Variants in MTUS2 observed in about 807,000 individuals in gnomAD.
MTUS2 encodes microtubule-associated tumor suppressor candidate 2.
A neutral mutation model predicts 114.1 loss-of-function variants in MTUS2; 40 were observed. The observed-to-expected ratio is 0.35, with a 90% confidence interval of 0.27 to 0.46. The LOEUF is 0.46. Ranked by LOEUF, MTUS2 falls within the 20% of genes least tolerant of loss-of-function variation. MTUS2 has a pLI of 1.00. For missense variants in MTUS2, 1,679 were observed against 1,705.4 expected (o/e 0.98, Z 0.27); for synonymous variants, 688 against 672.0 (o/e 1.02, Z -0.37).
chr13:28,833,715 G>A (rs1044375795), intron 1 of MTUS2, among the ~76,000 whole-genome samples: 1 of 151,996 alleles, frequency 6.6e-6, no homozygotes, highest in African/African-American at 2.4e-5. Context: ...GCAAGGAAAA[G>A]AAAGAAAAAT....
At chr13:29,242,887 T>A (rs1896781224) in intron 5 of MTUS2, among the ~76,000 whole-genome samples, 1 of 152,198 alleles carries the variant, frequency 6.6e-6, no homozygotes, top group Non-Finnish European at 1.5e-5. Flanking sequence ...TTTTATAGAT[T>A]AAACTGGTTC....
At chr13:29,197,439 G>A (rs1173598927) in intron 5 of MTUS2, among the ~76,000 whole-genome samples, 1 of 152,148 alleles carries the variant, frequency 6.6e-6, no homozygotes, top group Non-Finnish European at 1.5e-5. Context: ...TGGTGTATAT[G>A]TGCCACATTT....
intron 5 of MTUS2, 108 bp downstream of exon 5, chr13:29,101,078 T>G: frequency 8.7e-7 from 1 of 1,150,116 alleles, no homozygotes; most frequent in East Asian, 2.6e-5. Flanking sequence ...TTGCATCACC[T>G]CCCTTAGCTT....
At chr13:28,937,495 G>A (rs1286195072) in intron 2 of MTUS2, among the ~76,000 whole-genome samples, 2 of 152,130 alleles carry the variant, frequency 1.3e-5, no homozygotes, top group Non-Finnish European at 2.9e-5. Context: ...TAGATCTTGT[G>A]CTGCTCAATT....
At chr13:28,869,788 A>T (rs1235789513) in intron 2 of MTUS2, among the ~76,000 whole-genome samples, 1 of 152,060 alleles carries the variant, frequency 6.6e-6, no homozygotes, top group African/African-American at 2.4e-5. Context: ...AACAAAACAA[A>T]CAAAAAAAGT....
intron 5 of MTUS2, among the ~76,000 whole-genome samples, chr13:29,116,142 T>G (rs1891077258): frequency 6.6e-6 from 1 of 152,210 alleles, no homozygotes; most frequent in Non-Finnish European, 1.5e-5. Flanking sequence ...TGTTCTCTAT[T>G]GTGCTAGGGG....
chr13:29,294,183 A>G (rs1391417130), intron 6 of MTUS2, among the ~76,000 whole-genome samples: 1 of 152,152 alleles, frequency 6.6e-6, no homozygotes, highest in Non-Finnish European at 1.5e-5. Flanking sequence ...CACTAATAAC[A>G]TATATTGGTA....
intron 1 of MTUS2, among the ~76,000 whole-genome samples, chr13:28,824,861 A>C (rs1045691934): frequency 1.3e-5 from 2 of 152,170 alleles, no homozygotes; most frequent in African/African-American, 4.8e-5. Flanking sequence ...TGCTATGGAG[A>C]AAATAAATCA....
chr13:29,075,176 A>G (rs1043502424), intron 4 of MTUS2, among the ~76,000 whole-genome samples: 2 of 152,184 alleles, frequency 1.3e-5, no homozygotes, highest in African/African-American at 2.4e-5. Context: ...TTTACACCAT[A>G]TATCAGCATT....
chr13:29,474,032 G>A (rs371062106), intron 9 of MTUS2, among the ~76,000 whole-genome samples: 28 of 152,288 alleles, frequency 1.8e-4, no homozygotes, highest in African/African-American at 6.7e-4. Flanking sequence ...ATTTCCCCTG[G>A]TGCCAGCTGC....
chr13:28,822,332 G>T (rs1873960339), intron 1 of MTUS2, among the ~76,000 whole-genome samples: 1 of 152,164 alleles, frequency 6.6e-6, no homozygotes, highest in Non-Finnish European at 1.5e-5. Flanking sequence ...GAACTAGACT[G>T]TTAAAGCCAA....
At chr13:29,205,435 T>G (rs540294769) in intron 5 of MTUS2, among the ~76,000 whole-genome samples, 208 of 147,888 alleles carry the variant, frequency 1.4e-3, no homozygotes, top group African/African-American at 3.4e-3. Context: ...CAGTATTTTT[T>G]TGGGGAAAGG....
intron 2 of MTUS2, among the ~76,000 whole-genome samples, chr13:28,955,995 T>C (rs1883042450): frequency 6.6e-6 from 1 of 151,758 alleles, no homozygotes; most frequent in African/African-American, 2.4e-5. Context: ...TGTGAGATTT[T>C]GGTGCACCCG....
At chr13:29,056,366 G>A (rs573884746) in intron 4 of MTUS2, among the ~76,000 whole-genome samples, 1 of 151,898 alleles carries the variant, frequency 6.6e-6, no homozygotes, top group African/African-American at 2.4e-5. Context: ...TGTTTTTGTT[G>A]ACTTTGTTTT....
At chr13:28,894,361 A>G (rs1879140422) in intron 2 of MTUS2, among the ~76,000 whole-genome samples, 1 of 134,016 alleles carries the variant, frequency 7.5e-6, no homozygotes. Flanking sequence ...TGAGAGTGAG[A>G]GAGAGAGAGA....
At chr13:29,089,750 T>C (rs1324083408) in intron 4 of MTUS2, among the ~76,000 whole-genome samples, 1 of 152,240 alleles carries the variant, frequency 6.6e-6, no homozygotes, top group Non-Finnish European at 1.5e-5. Context: ...TGGTTCCTAT[T>C]GCATTATGAA....
intron 15 of MTUS2, 74 bp downstream of exon 15, chr13:29,501,268 T>C (rs1882884578): frequency 3.5e-6 from 4 of 1,140,874 alleles, no homozygotes; most frequent in Non-Finnish European, 5.3e-6. Context: ...CCAGTTTCCC[T>C]CACTCTGGCC....
chr13:28,908,242 T>G (rs1880173326), intron 2 of MTUS2, among the ~76,000 whole-genome samples: 1 of 151,596 alleles, frequency 6.6e-6, no homozygotes, highest in African/African-American at 2.4e-5. Context: ...CTGCACCCAG[T>G]AACTTGTCAT....
At chr13:29,015,406 G>A (rs1886023805) in intron 2 of MTUS2, among the ~76,000 whole-genome samples, 1 of 152,150 alleles carries the variant, frequency 6.6e-6, no homozygotes, top group Non-Finnish European at 1.5e-5. Flanking sequence ...AGAGTGGCAT[G>A]TTTTTCTCTT....
Sources: gnomAD v4.1 joint callset for allele counts (sites outside exome capture counted in the v4.1 genomes callset) on GRCh38, gnomAD v4.1.1 for gene constraint, MANE v1.5 for transcripts, NCBI Gene and HGNC (gene_info 2026-07-23, HGNC 2026-07-21) for gene names.